GDPD4: variants seen among roughly 807,000 people sequenced by gnomAD.
GDPD4 encodes the protein glycerophosphodiester phosphodiesterase 6.
Under a neutral mutation model 67.8 loss-of-function variants are expected in GDPD4, and 60 were observed. The observed-to-expected ratio is 0.88, with a 90% CI of 0.72 to 1.10. The LOEUF is 1.10. Among genes scored for constraint, GDPD4 ranks in the 50% least tolerant of loss-of-function variants. The pLI, the probability that GDPD4 is intolerant of heterozygous loss-of-function variation, is 0.00. For missense variants in GDPD4, 623 were observed against 613.9 expected, an observed-to-expected ratio of 1.01 and a Z score of -0.16; for synonymous variants, 212 against 210.9, an observed-to-expected ratio of 1.00 and a Z score of -0.04.
chr11:77,288,474 G>A (rs1937645142), intron 1 of GDPD4, among the ~76,000 whole-genome samples: 1 of 152,130 alleles, frequency 6.6e-6, no homozygotes, highest in South Asian at 2.1e-4. Context: ...CCCATTCCCA[G>A]CAAAGTCTCA....
intron 10 of GDPD4, among the ~76,000 whole-genome samples, chr11:77,261,834 C>CTCAGAAGCATA (rs1959124798): frequency 6.6e-6 from 1 of 152,162 alleles, no homozygotes; most frequent in Non-Finnish European, 1.5e-5. Context: ...GAAACCTACA[C>CTCAGAAGCATA]CCAAATTGTG....
At position 77,227,865 on chromosome 11, in the gene GDPD4, T is replaced by C; in HGVS notation, c.1524A>G (p.Thr508=). 3 of 1,611,764 alleles carry C rather than the reference T, an allele frequency of 1.9e-6. No individual in the cohort carries two copies. The highest frequency in any genetic ancestry group is 1.3e-5 in the African/African-American group (1 of 74,978). ...AGTGGGCTAGGCCTCTGACTTTACC[T>C]GTGCGAGTGCTGGAGGTTTCAAACA... ...EKLFETSSTR[T]DTQSGSKNEE... The change falls in exon 16 of 17, where the codon ACA becomes ACG. Residue 508 remains threonine, a splice_region_variant and synonymous_variant. Transcript: ENST00000315938.
At chr11:77,274,660 C>G (rs1306857595) in intron 5 of GDPD4, among the ~76,000 whole-genome samples, 5 of 152,180 alleles carry the variant, frequency 3.3e-5, no homozygotes. Flanking sequence ...GACCTCTTTT[C>G]TTTATAAATT....
chr11:77,260,136 G>A (rs1465169206), intron 10 of GDPD4, among the ~76,000 whole-genome samples: 4 of 151,914 alleles, frequency 2.6e-5, no homozygotes, highest in African/African-American at 9.7e-5. Context: ...GTGAAACCCC[G>A]TCTCTACTAA....
chr11:77,291,799 G>C (rs1937784998), intron 1 of GDPD4, among the ~76,000 whole-genome samples: 1 of 152,198 alleles, frequency 6.6e-6, no homozygotes, highest in Non-Finnish European at 1.5e-5. Flanking sequence ...GTGGGGCCAA[G>C]GCAGGCGGAT....
At chr11:77,270,466 C>G (rs906955067) in intron 7 of GDPD4, among the ~76,000 whole-genome samples, 2 of 152,162 alleles carry the variant, frequency 1.3e-5, no homozygotes, top group African/African-American at 4.8e-5. Flanking sequence ...GCCTGTAATC[C>G]CAGCACTTTG....
At chr11:77,248,132 A>T (rs1404946093) in intron 11 of GDPD4, among the ~76,000 whole-genome samples, 2 of 152,016 alleles carry the variant, frequency 1.3e-5, no homozygotes, top group Non-Finnish European at 2.9e-5. Flanking sequence ...CATCAAGGAA[A>T]CATTCCACTG....
intron 3 of GDPD4, among the ~76,000 whole-genome samples, chr11:77,281,100 G>C (rs925216340): frequency 8.5e-5 from 13 of 152,122 alleles, no homozygotes; most frequent in African/African-American, 3.1e-4. Flanking sequence ...CCTCCATTTT[G>C]GATGTAGGCC....
intron 13 of GDPD4, among the ~76,000 whole-genome samples, chr11:77,238,965 G>A (rs550047070): frequency 2.2e-4 from 34 of 152,196 alleles, no homozygotes; most frequent in Non-Finnish European, 4.0e-4. Flanking sequence ...CTAACAAACT[G>A]AATTCAACAG....
intron 5 of GDPD4, among the ~76,000 whole-genome samples, chr11:77,273,002 A>G (rs1034710618): frequency 1.3e-5 from 2 of 152,158 alleles, no homozygotes; most frequent in Non-Finnish European, 2.9e-5. Flanking sequence ...TAGCCAGTCA[A>G]TATCTTTTAA....
At chr11:77,239,699 C>T (rs1958628369) in intron 13 of GDPD4, among the ~76,000 whole-genome samples, 1 of 152,074 alleles carries the variant, frequency 6.6e-6, no homozygotes, top group Non-Finnish European at 1.5e-5. Context: ...GTGGCTCACA[C>T]CTTATAATCC....
At chr11:77,249,567 T>C (rs1958850076) in intron 11 of GDPD4, among the ~76,000 whole-genome samples, 1 of 152,126 alleles carries the variant, frequency 6.6e-6, no homozygotes, top group Non-Finnish European at 1.5e-5. Context: ...CAGGGCAAAC[T>C]GCTGCCCAGA....
chr11:77,269,893 T>C lies in GDPD4; in HGVS notation c.468A>G (p.Thr156=), dbSNP rs761936631. The change falls in exon 8 of 17, where the codon ACA becomes ACG. Residue 156 remains threonine (T), a synonymous_variant. Coordinates refer to ENST00000315938, the MANE Select transcript of GDPD4 (RefSeq NM_182833.3). ...KKRLKQCNVI[T]RLRGLQVPVG... ...GTCTCCAGCTCTAACCTCTTAACCT[T>C]GTGATTACATTACATTGCTTGAGTC... The C allele has an allele frequency of 1.9e-6, 3 of 1,571,850 alleles. No homozygotes were observed. Among genetic ancestry groups the C allele is most frequent in the Non-Finnish European group, 1.7e-6 (2 of 1,144,224 alleles).
chr11:77,239,626 C>T (rs1958627019), intron 13 of GDPD4, among the ~76,000 whole-genome samples: 1 of 151,958 alleles, frequency 6.6e-6, no homozygotes, highest in Non-Finnish European at 1.5e-5. Flanking sequence ...TAAAACTTTA[C>T]CAAGGAGGTG....
chr11:77,255,846 T>C (rs1356540449), intron 11 of GDPD4, among the ~76,000 whole-genome samples: 1 of 152,000 alleles, frequency 6.6e-6, no homozygotes, highest in Non-Finnish European at 1.5e-5. Context: ...CACCCTGGGC[T>C]ACAGAGCGAG....
At chr11:77,241,048 T>C (rs1183523718) in intron 13 of GDPD4, among the ~76,000 whole-genome samples, 1 of 152,162 alleles carries the variant, frequency 6.6e-6, no homozygotes, top group Non-Finnish European at 1.5e-5. Context: ...AGAACTAACA[T>C]ACATATGATC....
chr11:77,238,456 A>C (rs1339142188), intron 13 of GDPD4, among the ~76,000 whole-genome samples: 2 of 151,764 alleles, frequency 1.3e-5, no homozygotes, highest in Non-Finnish European at 2.9e-5. Flanking sequence ...TGGTGGTGTG[A>C]GCCTGTAATC....
Position 77,269,019 on chromosome 11 carries a change from A to G in GDPD4, c.529T>C (p.Tyr177His), listed in dbSNP as rs774004001. Residue 177 changes from tyrosine to histidine, a missense_variant, in exon 9 of 17, where the codon TAT (tyrosine) becomes CAT (histidine). Physicochemically the swap from Tyr to His is moderately conservative, Grantham distance 83. Coordinates refer to ENST00000315938, the MANE Select transcript of GDPD4 (RefSeq NM_182833.3). ...LPFLLILLGL[Y>H]LMPLGIYSPC... Reference sequence around the variant, plus strand: ...GAATAAATCCCCAGTGGCATCAAATAGAGACCTAAAAGGATAAGAAGAAAG... The same window carrying G: ...GAATAAATCCCCAGTGGCATCAAATGGAGACCTAAAAGGATAAGAAGAAAG... 6 of 1,613,842 alleles carry G rather than the reference A, an allele frequency of 3.7e-6. No individual in the cohort carries two copies. In the South Asian group the frequency reaches 6.6e-5, roughly 18 times the overall value.
intron 15 of GDPD4, 118 bp downstream of exon 15, chr11:77,229,032 A>T: frequency 1.8e-6 from 1 of 571,034 alleles, no homozygotes; most frequent in Admixed American, 3.3e-5. Flanking sequence ...GATTCAGATT[A>T]TAAACGCCAT....
Sources: gnomAD v4.1 joint callset for allele counts (sites outside exome capture counted in the v4.1 genomes callset) on GRCh38, gnomAD v4.1.1 for gene constraint, MANE v1.5 for transcripts, NCBI Gene and HGNC (gene_info 2026-07-23, HGNC 2026-07-21) for gene names.